PRKG1: variants seen among roughly 807,000 people sequenced by gnomAD.
The protein encoded by PRKG1 is protein kinase cGMP-dependent 1, also known as cGMP-dependent protein kinase 1.
A neutral mutation model predicts 88.1 loss-of-function variants in PRKG1; 35 were observed. The observed-to-expected ratio is 0.40, with a 90% CI of 0.30 to 0.53. PRKG1 has a LOEUF of 0.53. PRKG1 is among the 20% of genes least tolerant of loss of function. The pLI, the probability that PRKG1 is intolerant of heterozygous loss-of-function variation, is 0.59. For missense variants in PRKG1, 540 were observed against 839.8 expected (o/e 0.64, Z 4.41); for synonymous variants, 303 against 292.5 (o/e 1.04, Z -0.37).
intron 2 of PRKG1, among the ~76,000 whole-genome samples, chr10:51,441,749 C>A (rs888204240): frequency 2.6e-5 from 4 of 151,970 alleles, no homozygotes; most frequent in Non-Finnish European, 4.4e-5. Context: ...ATCATTATAA[C>A]CTTGAGTGTC....
chr10:51,687,624 A>G (rs1841026950), intron 3 of PRKG1, among the ~76,000 whole-genome samples: 1 of 152,136 alleles, frequency 6.6e-6, no homozygotes, highest in South Asian at 2.1e-4. Flanking sequence ...AAATAATGAG[A>G]TTTGTGGGAT....
At chr10:52,205,672 G>T (rs1018433313) in intron 9 of PRKG1, among the ~76,000 whole-genome samples, 4 of 152,162 alleles carry the variant, frequency 2.6e-5, no homozygotes, top group African/African-American at 9.7e-5. Context: ...TTTTATGAAG[G>T]TTTGTTTGGC....
At chr10:51,222,710 T>C (rs1312014685) in intron 2 of PRKG1, among the ~76,000 whole-genome samples, 1 of 152,132 alleles carries the variant, frequency 6.6e-6, no homozygotes, top group Non-Finnish European at 1.5e-5. Context: ...TAGTTTATAT[T>C]TCTTTATATT....
chr10:52,172,579 A>T (rs946518163), intron 9 of PRKG1, among the ~76,000 whole-genome samples: 2 of 152,196 alleles, frequency 1.3e-5, no homozygotes, highest in Non-Finnish European at 2.9e-5. Flanking sequence ...TACCTTTTAT[A>T]TCCCTTTGTG....
chr10:51,892,792 C>T (rs950409309), intron 4 of PRKG1, among the ~76,000 whole-genome samples: 1 of 152,038 alleles, frequency 6.6e-6, no homozygotes, highest in Non-Finnish European at 1.5e-5. Flanking sequence ...CAATAGAGCC[C>T]CATGGAGAAA....
At chr10:51,965,200 A>T (rs981211023) in intron 5 of PRKG1, among the ~76,000 whole-genome samples, 1 of 152,078 alleles carries the variant, frequency 6.6e-6, no homozygotes, top group Non-Finnish European at 1.5e-5. Flanking sequence ...CCTAGTTACC[A>T]TTAGTTATTT....
At chr10:51,377,378 A>C (rs1460087859) in intron 2 of PRKG1, among the ~76,000 whole-genome samples, 1 of 152,236 alleles carries the variant, frequency 6.6e-6, no homozygotes, top group Non-Finnish European at 1.5e-5. Flanking sequence ...GGAGCTCAGT[A>C]AATGAAGGCC....
chr10:51,685,969 A>C (rs1840978618), intron 3 of PRKG1, among the ~76,000 whole-genome samples: 1 of 151,176 alleles, frequency 6.6e-6, no homozygotes, highest in African/African-American at 2.5e-5. Flanking sequence ...TCAGTTTCAC[A>C]ATCCTGCTTG....
At chr10:52,129,560 C>A (rs1837199785) in intron 7 of PRKG1, among the ~76,000 whole-genome samples, 1 of 152,148 alleles carries the variant, frequency 6.6e-6, no homozygotes, top group African/African-American at 2.4e-5. Flanking sequence ...TTTACAGACA[C>A]CCTCTTAGAG....
chr10:51,904,033 G>C (rs778629674), intron 4 of PRKG1, among the ~76,000 whole-genome samples: 1 of 151,994 alleles, frequency 6.6e-6, no homozygotes, highest in Non-Finnish European at 1.5e-5. Flanking sequence ...TTCTATTATT[G>C]TCATTACAAA....
At chr10:51,044,994 G>C (rs530239993) in intron 1 of PRKG1, among the ~76,000 whole-genome samples, 2 of 152,246 alleles carry the variant, frequency 1.3e-5, no homozygotes, top group East Asian at 3.9e-4. Flanking sequence ...TGATATTTTA[G>C]TGCATGTATT....
At chr10:51,369,151 CT>C (rs902110812) in intron 2 of PRKG1, among the ~76,000 whole-genome samples, 22 of 152,006 alleles carry the variant, frequency 1.4e-4, no homozygotes, top group Non-Finnish European at 3.1e-4. Context: ...CGCTCATAAT[CT>C]TTTTTTTCAT....
intron 3 of PRKG1, among the ~76,000 whole-genome samples, chr10:51,606,493 T>C (rs539440188): frequency 5.8e-4 from 88 of 152,324 alleles, no homozygotes; most frequent in African/African-American, 2.0e-3. Flanking sequence ...AAGCTTCCAA[T>C]TGAAGACAGA....
chr10:51,560,029 G>A (rs531756046), intron 3 of PRKG1, among the ~76,000 whole-genome samples: 48 of 152,042 alleles, frequency 3.2e-4, no homozygotes, highest in Non-Finnish European at 3.1e-4. Context: ...TTGTCACTAC[G>A]GAAGCATTGT....
In PRKG1 at chr10:51,009,849, G is replaced by A. The variant is rs1040926507; in HGVS notation, c.266+18205G>A. 3.3e-5 allele frequency among the ~76,000 whole-genome samples: 5 copies of A among 152,144 alleles called. No homozygotes were observed. The East Asian group carries it at 9.6e-4, about 29-fold the overall frequency. On this transcript the variant is annotated intron_variant, in intron 1 of 17. Transcript: ENST00000401604. ...GTACTTTTGGAAAGAAAATCTGCCA[G>A]AACATTCATGCTACCCAGAGAGAAG...
intron 3 of PRKG1, among the ~76,000 whole-genome samples, chr10:51,609,803 TAGGG>T (rs1838858685): frequency 6.6e-6 from 1 of 151,726 alleles, no homozygotes; most frequent in African/African-American, 2.4e-5. Flanking sequence ...CACATGGACA[TAGGG>T]AGGGGAACAA....
chr10:51,896,591 A>G (rs1165636996), intron 4 of PRKG1, among the ~76,000 whole-genome samples: 2 of 137,822 alleles, frequency 1.5e-5, no homozygotes, highest in Admixed American at 1.5e-4. Context: ...ATGTGCCTGT[A>G]TTCCTAGCTA....
chr10:51,718,890 T>A, intron 3 of PRKG1, among the ~76,000 whole-genome samples: 1 of 150,902 alleles, frequency 6.6e-6, no homozygotes, highest in Admixed American at 6.6e-5. Flanking sequence ...CTCATGCCTG[T>A]AATCTCTGCA....
intron 5 of PRKG1, among the ~76,000 whole-genome samples, chr10:51,953,723 T>A (rs1202619238): frequency 6.6e-6 from 1 of 151,224 alleles, no homozygotes; most frequent in Non-Finnish European, 1.5e-5. Context: ...GCGGTTTTGT[T>A]TTTTTTTTAA....
Sources: gnomAD v4.1 joint callset for allele counts (sites outside exome capture counted in the v4.1 genomes callset) on GRCh38, gnomAD v4.1.1 for gene constraint, MANE v1.5 for transcripts, NCBI Gene and HGNC (gene_info 2026-07-23, HGNC 2026-07-21) for gene names.